KCNMA1: variants seen among roughly 807,000 people sequenced by gnomAD.
KCNMA1 encodes the protein potassium calcium-activated channel subfamily M alpha 1.
A neutral mutation model predicts 140.0 loss-of-function variants in KCNMA1; 29 were observed. The ratio of observed to expected loss-of-function variants is 0.21; its 90% CI spans 0.15 to 0.28. The LOEUF (loss-of-function observed/expected upper bound fraction) is 0.28, where lower values mean the gene tolerates loss of function less well. Ranked by LOEUF, KCNMA1 falls within the 10% of genes least tolerant of loss-of-function variation. The probability of loss-of-function intolerance (pLI) is 1.00; values close to 1 mark genes in which losing one functional copy is unlikely to be tolerated. For synonymous variants in KCNMA1, 612 were observed against 611.9 expected (o/e 1.00, Z 0.00); for missense variants, 880 against 1,602.2 (o/e 0.55, Z 7.70).
intron 2 of KCNMA1, among the ~76,000 whole-genome samples, chr10:77,348,125 G>A (rs1300923951): frequency 6.6e-6 from 1 of 152,184 alleles, no homozygotes; most frequent in Non-Finnish European, 1.5e-5. Flanking sequence ...GATAAACAGA[G>A]GCAAGCTAAC....
chr10:77,580,725 G>C (rs1458439814), intron 1 of KCNMA1, among the ~76,000 whole-genome samples: 1 of 152,230 alleles, frequency 6.6e-6, no homozygotes, highest in Non-Finnish European at 1.5e-5. Flanking sequence ...GCCAAGGGCA[G>C]AGACCAAAGT....
chr10:77,251,391 TC>T, intron 2 of KCNMA1, 135 bp from the exon 3 acceptor site: 1 of 723,726 alleles, frequency 1.4e-6, no homozygotes, highest in Non-Finnish European at 2.5e-6. Flanking sequence ...CTCACCCTCA[TC>T]CCCAGCCCCC....
intron 1 of KCNMA1, among the ~76,000 whole-genome samples, chr10:77,465,917 G>A (rs2097994625): frequency 6.6e-6 from 1 of 152,180 alleles, no homozygotes; most frequent in African/African-American, 2.4e-5. Flanking sequence ...AGCCTATGGA[G>A]ACACCCATGG....
At chr10:77,524,201 T>C (rs1400062670) in intron 1 of KCNMA1, among the ~76,000 whole-genome samples, 5 of 152,228 alleles carry the variant, frequency 3.3e-5, no homozygotes, top group African/African-American at 4.8e-5. Flanking sequence ...ATAGGGGTTG[T>C]GGTGCAAAAA....
At chr10:76,960,618 GTTTTTTTTTTTTTTTTT>G (rs55685324) in intron 20 of KCNMA1, among the ~76,000 whole-genome samples, 1 of 59,296 alleles carries the variant, frequency 1.7e-5, no homozygotes, top group African/African-American at 6.7e-5. Flanking sequence ...TTATGGTTTT[GTTTTTTTTTTTTTTTTT>G]TTTTTTTTTT....
chr10:77,354,894 T>C (rs1482248920), intron 2 of KCNMA1, among the ~76,000 whole-genome samples: 1 of 152,228 alleles, frequency 6.6e-6, no homozygotes, highest in African/African-American at 2.4e-5. Flanking sequence ...GAAACTTCAG[T>C]GCTCTGGTAA....
intron 19 of KCNMA1, among the ~76,000 whole-genome samples, chr10:76,981,712 T>C (rs971711577): frequency 2.0e-4 from 30 of 152,274 alleles, no homozygotes; most frequent in Admixed American, 1.5e-3. Flanking sequence ...TCCCAGATGA[T>C]TATGACAAGA....
intron 25 of KCNMA1, chr10:76,901,938 T>C (rs1310896399): frequency 6.6e-6 from 1 of 152,270 alleles, no homozygotes; most frequent in African/African-American, 2.4e-5. Context: ...TGAGCATTGC[T>C]GACGGGTGTG....
intron 2 of KCNMA1, among the ~76,000 whole-genome samples, chr10:77,348,725 T>C (rs1218160714): frequency 1.3e-5 from 2 of 152,210 alleles, no homozygotes; most frequent in African/African-American, 2.4e-5. Flanking sequence ...AATATTCCAG[T>C]AGGGACCTGA....
chr10:77,494,935 T>G (rs1384108320), intron 1 of KCNMA1, among the ~76,000 whole-genome samples: 1 of 152,210 alleles, frequency 6.6e-6, no homozygotes, highest in African/African-American at 2.4e-5. Flanking sequence ...GCATTCTCCC[T>G]GTGTGCATGT....
chr10:77,390,776 C>T (rs960068334), intron 2 of KCNMA1, among the ~76,000 whole-genome samples: 8 of 152,216 alleles, frequency 5.3e-5, no homozygotes, highest in Non-Finnish European at 1.0e-4. Flanking sequence ...CAGAGACCAA[C>T]AAACCCAACA....
At chr10:77,623,627 C>T (rs1379084261) in intron 1 of KCNMA1, among the ~76,000 whole-genome samples, 2 of 151,290 alleles carry the variant, frequency 1.3e-5, no homozygotes, top group Non-Finnish European at 2.9e-5. Flanking sequence ...TGCTTGAACC[C>T]AGGAGACAAA....
intron 19 of KCNMA1, among the ~76,000 whole-genome samples, chr10:76,987,868 C>A (rs568342787): frequency 2.6e-5 from 4 of 152,216 alleles, no homozygotes; most frequent in Admixed American, 2.6e-4. Context: ...AAACAAGGAA[C>A]CATCAAAAGG....
At chr10:77,457,391 A>C (rs536215747) in intron 1 of KCNMA1, among the ~76,000 whole-genome samples, 1 of 152,158 alleles carries the variant, frequency 6.6e-6, no homozygotes, top group South Asian at 2.1e-4. Flanking sequence ...CCATCATTAT[A>C]TCTATCACCT....
At chr10:77,625,819 A>T (rs527984084) in intron 1 of KCNMA1, among the ~76,000 whole-genome samples, 9 of 152,312 alleles carry the variant, frequency 5.9e-5, no homozygotes, top group African/African-American at 1.9e-4. Context: ...TGGGTGTACA[A>T]ATATCTCCTT....
intron 25 of KCNMA1, among the ~76,000 whole-genome samples, chr10:76,900,928 A>C (rs1391452122): frequency 2.6e-5 from 4 of 151,698 alleles, no homozygotes; most frequent in Admixed American, 2.6e-4. Flanking sequence ...CATTTGCCTC[A>C]ATATAATAAG....
At chr10:77,049,716 T>A (rs1464013693) in intron 14 of KCNMA1, among the ~76,000 whole-genome samples, 1 of 152,180 alleles carries the variant, frequency 6.6e-6, no homozygotes, top group Non-Finnish European at 1.5e-5. Flanking sequence ...CATGAATAAC[T>A]TCAATAACTT....
intron 2 of KCNMA1, among the ~76,000 whole-genome samples, chr10:77,337,773 A>G (rs1297395599): frequency 6.6e-6 from 1 of 152,170 alleles, no homozygotes; most frequent in East Asian, 1.9e-4. Context: ...CACCCTCTGA[A>G]GTTAGGCTAA....
rs539915682 is a variant in KCNMA1, at chr10:77,471,953, T to C, written c.379-67930A>G. 1.7e-4 allele frequency among the ~76,000 whole-genome samples: 24 copies of C among 143,910 alleles called. No homozygotes were observed. The East Asian group carries it at 1.7e-3, about 10-fold the overall frequency. 94.4% of individuals were successfully genotyped at this position (143,910 alleles called of 152,430 possible). ...ATATACACACCACATACACCATACA[T>C]ACACCACACACTACACATCACACAC... On this transcript the variant is annotated intron_variant, in intron 1 of 27. Coordinates refer to ENST00000286628, the MANE Select transcript of KCNMA1 (RefSeq NM_001161352.2).
Sources: gnomAD v4.1 joint callset for allele counts (sites outside exome capture counted in the v4.1 genomes callset) on GRCh38, gnomAD v4.1.1 for gene constraint, MANE v1.5 for transcripts, NCBI Gene and HGNC (gene_info 2026-07-23, HGNC 2026-07-21) for gene names.